The following ADAMTS14 variants were observed in gnomAD, a reference collection of about 807,000 sequenced individuals.
ADAMTS14 encodes ADAM metallopeptidase with thrombospondin type 1 motif 14.
Under a neutral mutation model 128.6 loss-of-function variants are expected in ADAMTS14, and 100 were observed. The observed-to-expected ratio is 0.78, with a 90% CI of 0.66 to 0.92. The LOEUF is 0.92. ADAMTS14 is among the 40% of genes least tolerant of loss of function. ADAMTS14 has a pLI of 0.00. For missense variants in ADAMTS14, 1,562 were observed against 1,658.6 expected (o/e 0.94, Z 1.01); for synonymous variants, 665 against 653.8 (o/e 1.02, Z -0.26).
chr10:70,757,797 A>G (rs931426444), intron 19 of ADAMTS14, among the ~76,000 whole-genome samples, 165 bp from the exon 20 acceptor site: 1 of 152,196 alleles, frequency 6.6e-6, no homozygotes, highest in African/African-American at 2.4e-5. Context: ...GCTCCTTAGA[A>G]GCAGTCCTTG....
At position 70,702,316 on chromosome 10, in the gene ADAMTS14, G is replaced by C. The variant is rs760334018; in HGVS notation, c.527G>C (p.Gly176Ala). 11 of 1,614,156 alleles carry C rather than the reference G, an allele frequency of 6.8e-6. No individual in the cohort carries two copies. The Admixed American group carries it at 1.8e-4, about 27-fold the overall frequency. ...TGCTTGCCGTCCCTGGTTCAGGCGGGCCTCATCCGCACAGACAGCACCGAC... is the reference window on the plus strand; with the variant it reads ...TGCTTGCCGTCCCTGGTTCAGGCGGCCCTCATCCGCACAGACAGCACCGAC... ...VAISNCDGLAGLIRTDSTDFF... is the reference protein window; with the variant it reads ...VAISNCDGLAALIRTDSTDFF... Residue 176 changes from glycine to alanine, a missense_variant, in exon 3 of 22, where the codon GGC becomes GCC. Physicochemically the swap from Gly to Ala is moderately conservative, Grantham distance 60. Coordinates refer to ENST00000373207, the MANE Select transcript of ADAMTS14 (RefSeq NM_080722.4).
chr10:70,684,840 GCCTGGGTCCTGGGT>G (rs146647999), intron 2 of ADAMTS14, among the ~76,000 whole-genome samples: 7 of 151,896 alleles, frequency 4.6e-5, no homozygotes, highest in South Asian at 2.1e-4. Flanking sequence ...GAGGCCCCGG[GCCTGGGTCCTGGGT>G]CCTGGGTCCT....
At position 70,695,494 on chromosome 10, in the gene ADAMTS14, A is replaced by G. The variant is rs574987186; in HGVS notation, c.523-6818A>G. On this transcript the variant is annotated intron_variant, in intron 2 of 21. Transcript: ENST00000373207. ...CAGAGACAACAGCCCCGGATGGCCC[A>G]TTAGAGGTTCTGGCCCCTGCAGGTT... Among the ~76,000 whole-genome samples, 9 of 152,308 alleles carry G rather than the reference A, an allele frequency of 5.9e-5. No homozygotes were observed. In the East Asian group the frequency reaches 1.5e-3, roughly 26 times the overall value.
intron 19 of ADAMTS14, among the ~76,000 whole-genome samples, chr10:70,755,410 G>T (rs1842457820): frequency 6.6e-6 from 1 of 152,164 alleles, no homozygotes; most frequent in Non-Finnish European, 1.5e-5. Flanking sequence ...TCCAGGGGCT[G>T]CTGGAGGGTG....
intron 4 of ADAMTS14, among the ~76,000 whole-genome samples, chr10:70,720,245 T>C (rs148171641): frequency 1.1e-4 from 17 of 152,248 alleles, no homozygotes; most frequent in African/African-American, 3.9e-4. Context: ...CTTTAAAATA[T>C]AGGGCATGAT....
At chr10:70,716,865 G>A (rs954084863) in intron 4 of ADAMTS14, among the ~76,000 whole-genome samples, 3 of 152,122 alleles carry the variant, frequency 2.0e-5, no homozygotes, top group African/African-American at 7.2e-5. Context: ...GCAGCTGGAG[G>A]GACAGTCTGG....
intron 10 of ADAMTS14, among the ~76,000 whole-genome samples, chr10:70,737,672 G>A (rs1156342863): frequency 6.6e-6 from 1 of 152,174 alleles, no homozygotes; most frequent in Non-Finnish European, 1.5e-5. Flanking sequence ...GGCCTGGCAG[G>A]TCCTTGATGG....
At chr10:70,673,296 T>C (rs1589250561) in intron 1 of ADAMTS14, among the ~76,000 whole-genome samples, 1 of 151,372 alleles carries the variant, frequency 6.6e-6, no homozygotes, top group African/African-American at 2.5e-5. Flanking sequence ...TGTGTGGCTG[T>C]TACATACCCA....
intron 4 of ADAMTS14, among the ~76,000 whole-genome samples, chr10:70,720,328 C>T (rs1241488000): frequency 6.6e-6 from 1 of 152,226 alleles, no homozygotes; most frequent in East Asian, 1.9e-4. Context: ...GGAGACTCAG[C>T]ACTTTCCTTC....
intron 1 of ADAMTS14, 71 bp downstream of exon 1, chr10:70,672,955 C>T: frequency 7.3e-7 from 1 of 1,367,886 alleles, no homozygotes; most frequent in Admixed American, 3.8e-5. Flanking sequence ...CCCAAGGTTG[C>T]CCCAGCCACC....
intron 6 of ADAMTS14, among the ~76,000 whole-genome samples, chr10:70,730,774 G>T (rs368893276): frequency 6.6e-6 from 1 of 152,214 alleles, no homozygotes; most frequent in South Asian, 2.1e-4. Flanking sequence ...GCTGCTAAAG[G>T]CCCCGGGGGT....
chr10:70,687,053 G>T (rs1254297644), intron 2 of ADAMTS14, among the ~76,000 whole-genome samples: 1 of 135,902 alleles, frequency 7.4e-6, no homozygotes, highest in African/African-American at 2.6e-5. Context: ...GGCCGGGCGG[G>T]GGGGCTGACC....
chr10:70,732,581 C>A (rs1841681826), intron 7 of ADAMTS14, among the ~76,000 whole-genome samples: 1 of 152,206 alleles, frequency 6.6e-6, no homozygotes. Context: ...GTAATTTGGG[C>A]CTGCCTTGGG....
At chr10:70,692,024 A>C (rs1045181266) in intron 2 of ADAMTS14, among the ~76,000 whole-genome samples, 1 of 151,736 alleles carries the variant, frequency 6.6e-6, no homozygotes, top group African/African-American at 2.4e-5. Context: ...GGTTTGGATG[A>C]GTGGTTCTGA....
chr10:70,707,651 A>G (rs1840707026), intron 3 of ADAMTS14, among the ~76,000 whole-genome samples: 1 of 152,250 alleles, frequency 6.6e-6, no homozygotes, highest in South Asian at 2.1e-4. Flanking sequence ...CTTTTGATTC[A>G]GACAGACCCA....
chr10:70,734,112 C>T, intron 8 of ADAMTS14, 84 bp downstream of exon 8: 4 of 1,532,080 alleles, frequency 2.6e-6, no homozygotes, highest in Non-Finnish European at 3.5e-6. Context: ...TGGCTGGCTT[C>T]CCCACGTTGC....
intron 15 of ADAMTS14, 121 bp downstream of exon 15, chr10:70,745,427 T>A: frequency 1.0e-6 from 1 of 995,164 alleles, no homozygotes; most frequent in Non-Finnish European, 1.5e-6. Context: ...ACTGGAGTAA[T>A]GGGCAGAGAC....
chr10:70,708,813 T>TG, intron 4 of ADAMTS14, 35 bp downstream of exon 4: 1 of 382,268 alleles, frequency 2.6e-6, no homozygotes. Context: ...TTGGGGGGAG[T>TG]GGGGTGGGGT....
chr10:70,758,261 C>T lies in ADAMTS14; in HGVS notation c.3154C>T (p.His1052Tyr), dbSNP rs980154886. 2 of 1,614,226 alleles carry T rather than the reference C, an allele frequency of 1.2e-6. No individual in the cohort carries two copies. Among genetic ancestry groups the T allele is most frequent in the South Asian group, 2.2e-5 (2 of 91,084 alleles). Residue 1052 changes from histidine (H) to tyrosine (Y), a missense_variant, in exon 21 of 22, where the codon CAT becomes TAT. By Grantham distance (83) the His-to-Tyr change is moderately conservative. Transcript: ENST00000373207. Reference sequence around the variant, plus strand: ...GTGGGTGCCACAATCTGAACCCCTACATCCCATTAACAAGATATCATCAAG... The same window carrying T: ...GTGGGTGCCACAATCTGAACCCCTATATCCCATTAACAAGATATCATCAAG... ...GQWVPQSEPL[H>Y]PINKISSTEP...
Sources: allele counts gnomAD v4.1 joint callset (sites outside exome capture counted in the v4.1 genomes callset), GRCh38; gene constraint gnomAD v4.1.1; transcripts MANE v1.5; gene names NCBI Gene and HGNC (gene_info 2026-07-23, HGNC 2026-07-21).